MAN2B1: variants seen among roughly 807,000 people sequenced by gnomAD.
MAN2B1 encodes mannosidase alpha class 2B member 1.
MAN2B1 carries 99 observed loss-of-function variants against 127.5 expected under a neutral mutation model. That is an observed-to-expected ratio of 0.78 (90% CI 0.66 to 0.92). The LOEUF is 0.92. Among genes scored for constraint, MAN2B1 ranks in the 40% least tolerant of loss-of-function variants. MAN2B1 has a pLI of 0.00. For synonymous variants in MAN2B1, 573 were observed against 568.8 expected, an observed-to-expected ratio of 1.01 and a Z score of -0.11; for missense variants, 1,304 against 1,384.8, an observed-to-expected ratio of 0.94 and a Z score of 0.93.
intron 16 of MAN2B1, among the ~76,000 whole-genome samples, chr19:12,651,490 TTTTG>T (rs1446399581): frequency 2.0e-5 from 3 of 152,182 alleles, no homozygotes; most frequent in African/African-American, 7.2e-5. Flanking sequence ...CAGCCAGACT[TTTTG>T]TTAGAAGAAA....
intron 16 of MAN2B1, among the ~76,000 whole-genome samples, chr19:12,651,614 G>A (rs946357638): frequency 1.3e-5 from 2 of 152,074 alleles, no homozygotes; most frequent in South Asian, 2.1e-4. Flanking sequence ...CACATGAAAC[G>A]CGAGGCTCTT....
At position 12,650,106 on chromosome 19, in the gene MAN2B1, C is replaced by T; in HGVS notation, c.2163G>A (p.Val721=). Residue 721 remains valine, a splice_region_variant and synonymous_variant, in exon 17 of 24, where the codon GTG becomes GTA. Coordinates refer to ENST00000456935, the MANE Select transcript of MAN2B1 (RefSeq NM_000528.4). Reference sequence around the variant, plus strand: ...CTCTCCCAGCCTGTGCCACTCACCCCACAGGTATCGGCCCCACCGACCACT... The same window carrying T: ...CTCTCCCAGCCTGTGCCACTCACCCTACAGGTATCGGCCCCACCGACCACT... The part of the protein sequence containing the change: ...ELEWSVGPIP[V]GDTWGKEVIS... 1 of 1,613,938 alleles carries T rather than the reference C, an allele frequency of 6.2e-7. No individual in the cohort carries two copies. The highest frequency in any genetic ancestry group is 8.5e-7 in the Non-Finnish European group (1 of 1,179,880).
chr19:12,651,089 A>C (rs1228750110), intron 16 of MAN2B1, among the ~76,000 whole-genome samples: 2 of 151,710 alleles, frequency 1.3e-5, no homozygotes, highest in African/African-American at 4.8e-5. Context: ...AGTCTCCCAA[A>C]GTGCTGTGAT....
rs1041161649 is a variant in MAN2B1 at position 12,657,187 on chromosome 19, C to T, written c.1420-131G>A. On this transcript the variant is annotated intron_variant, in intron 11 of 23. Transcript: ENST00000456935. Reference sequence around the variant, plus strand: ...AGTCGCCCCAAAACCCCTTCTAGCCCCACCCTGCTGCCCTTGACTATACCC... The same window carrying T: ...AGTCGCCCCAAAACCCCTTCTAGCCTCACCCTGCTGCCCTTGACTATACCC... 20 of 728,272 alleles carry T rather than the reference C, an allele frequency of 2.7e-5. 1 individual carries two copies. The Middle Eastern group carries it at 1.8e-3, about 66-fold the overall frequency. The allele number at this position is 728,272 out of a possible 1,614,324, so 45.1% of individuals were successfully genotyped here. A position where few individuals can be genotyped will look rare whatever the true frequency, so the allele number is the denominator to read the frequency against.
At chr19:12,656,455 A>G in intron 13 of MAN2B1, 116 bp downstream of exon 13, 1 of 730,578 alleles carries the variant, frequency 1.4e-6, no homozygotes, top group Non-Finnish European at 2.5e-6. Context: ...AGAGGGGGGA[A>G]GAGATATGCA....
In MAN2B1 at chr19:12,647,217, C is replaced by T. The variant is rs373821522; in HGVS notation, c.2923+16G>A. On this transcript the variant is annotated intron_variant, in intron 23 of 23. Coordinates refer to ENST00000456935, the MANE Select transcript of MAN2B1 (RefSeq NM_000528.4). The surrounding 1 kb of genome is among the most constrained non-coding windows in gnomAD (Gnocchi z 4.9). ...GTAAGACTCCACCCCTTCCCTACCC[C>T]TGACCAGGGCCCCACCTGTGTTTGT... 26 of 1,608,716 alleles carry T rather than the reference C, an allele frequency of 1.6e-5. No individual in the cohort carries two copies. Among genetic ancestry groups the T allele is most frequent in the Non-Finnish European group, 2.1e-5 (25 of 1,175,142 alleles).
At chr19:12,663,499 C>T (rs2024157180) in intron 5 of MAN2B1, 37 bp from the exon 6 acceptor site, 2 of 1,609,778 alleles carry the variant, frequency 1.2e-6, no homozygotes, top group African/African-American at 2.7e-5. Context: ...TGGCCCATCA[C>T]CCAGACCTTC....
intron 11 of MAN2B1, 102 bp from the exon 12 acceptor site, chr19:12,657,158 CAA>C: frequency 1.3e-6 from 1 of 779,782 alleles, no homozygotes; most frequent in South Asian, 1.5e-5. Flanking sequence ...CCGCCTCCCT[CAA>C]GAGTCGCCCC....
chr19:12,657,253 T>A, intron 11 of MAN2B1, 193 bp downstream of exon 11: 2 of 402,632 alleles, frequency 5.0e-6, no homozygotes, highest in East Asian at 5.2e-5. Flanking sequence ...CCCCGCCTCC[T>A]TCCCCCCTCC....
chr19:12,648,484 G>A, intron 20 of MAN2B1, 82 bp from the exon 21 acceptor site: 1 of 1,034,596 alleles, frequency 9.7e-7, no homozygotes, highest in Non-Finnish European at 1.4e-6. Flanking sequence ...AGGGCGTGTG[G>A]GAATGTCAAA....
chr19:12,650,357 C>CTTT (rs35532533), intron 16 of MAN2B1, 135 bp from the exon 17 acceptor site: 37 of 493,574 alleles, frequency 7.5e-5, no homozygotes, highest in East Asian at 1.1e-4. Context: ...CCACATAATT[C>CTTT]TTTTTTTTTT....
In MAN2B1 at chr19:12,664,352, G is replaced by A. The variant is rs183402323; in HGVS notation, c.630+440C>T. Among the ~76,000 whole-genome samples, 117 of 151,434 alleles carry A rather than the reference G, an allele frequency of 7.7e-4. 1 individual carries two copies. The highest frequency in any genetic ancestry group is 2.7e-3 in the African/African-American group (111 of 41,292). On this transcript the variant is annotated intron_variant, in intron 4 of 23. Coordinates refer to ENST00000456935, the MANE Select transcript of MAN2B1 (RefSeq NM_000528.4). ...AGGGCGGGTCCAACATCAGAACCCA[G>A]GTTCACCTCCCCAGCACTGTCAAAG... is the stretch of plus-strand genomic sequence containing the variant.
intron 11 of MAN2B1, 195 bp from the exon 12 acceptor site, chr19:12,657,251 C>A (rs1438935523): frequency 2.9e-6 from 2 of 695,138 alleles, no homozygotes; most frequent in Non-Finnish European, 2.6e-6. Context: ...CGCCCCGCCT[C>A]CTTCCCCCCT....
rs1229107062 is a variant in MAN2B1 at position 12,657,463 on chromosome 19, C to T, written c.1402G>A (p.Gly468Ser). The change falls in exon 11 of 24, where the codon GGC (glycine) becomes AGC (serine). Residue 468 changes from glycine (G) to serine (S), a missense_variant. Gly to Ser is a moderately conservative substitution (Grantham distance 56). Transcript: ENST00000456935. ...ANDYARQLAA[G>S]WGPCEVLLSN... ...CCGCGCACCTCGCAAGGCCCCCAGC[C>T]TGCCGCAAGCTGGCGCGCGTAGTCG... 3.2e-6 allele frequency: 5 copies of T among 1,556,382 alleles called. No homozygotes were observed. The highest frequency in any genetic ancestry group is 4.3e-6 in the Non-Finnish European group (5 of 1,151,060).
In MAN2B1 at chr19:12,660,752, A is replaced by ATTTTTT. The variant is rs1168857464; in HGVS notation, c.1026+502_1026+507dup. 54 of 102,266 alleles carry ATTTTTT rather than the reference A, an allele frequency of 5.3e-4. 3 individuals are homozygous for ATTTTTT. The highest frequency in any genetic ancestry group is 2.3e-3 in the African/African-American group (46 of 20,404). The allele number at this position is 102,266 out of a possible 1,614,324, so 6.3% of individuals were successfully genotyped here. ...TATAGCCTGGTGAGACTCAGGCTGG[A>ATTTTTT]TTTTTTTTTTTTTTTTTTTTTTTTG... On this transcript the variant is annotated intron_variant, in intron 7 of 23. Coordinates refer to ENST00000456935, the MANE Select transcript of MAN2B1 (RefSeq NM_000528.4).
At position 12,665,527 on chromosome 19, in the gene MAN2B1, T is replaced by G; in HGVS notation, c.263-2A>C. 1 of 1,614,172 alleles carries G rather than the reference T, an allele frequency of 6.2e-7. No individual in the cohort carries two copies. The highest frequency in any genetic ancestry group is 8.5e-7 in the Non-Finnish European group (1 of 1,180,026). On this transcript the variant is annotated splice_acceptor_variant, in intron 2 of 23. Transcript: ENST00000456935. LOFTEE classifies it high-confidence loss of function. ...CGGCGTGCTGGATGTCATTCTTGAC[T>G]GTGGATAACAGGGATAAGGCTCTCA...
chr19:12,655,279 T>C (rs982620765), intron 14 of MAN2B1, among the ~76,000 whole-genome samples: 4 of 152,230 alleles, frequency 2.6e-5, no homozygotes, highest in African/African-American at 7.2e-5. Flanking sequence ...TTGTGGCTCC[T>C]GGAATTCTGC....
Position 12,666,697 on chromosome 19 carries a change from C to T in MAN2B1, c.5G>A (p.Gly2Asp), listed in dbSNP as rs1195139364. 6.5e-7 allele frequency: 1 copy of T among 1,549,366 alleles called. No homozygotes were observed. Reference sequence around the variant, plus strand: ...GACCCCCGAAGCCCGCGCGTAGGCGCCCATGGCTCAGCAGCTTCCTCCTGG... The same window carrying T: ...GACCCCCGAAGCCCGCGCGTAGGCGTCCATGGCTCAGCAGCTTCCTCCTGG... M[G>D]AYARASGVCA... is the part of the protein sequence containing the mutation. The change falls in exon 1 of 24, where the codon GGC (glycine) becomes GAC (aspartate). Residue 2 changes from glycine (G) to aspartate (D), a missense_variant. Coordinates refer to ENST00000456935, the MANE Select transcript of MAN2B1 (RefSeq NM_000528.4).
intron 20 of MAN2B1, among the ~76,000 whole-genome samples, chr19:12,648,659 G>A (rs922482584): frequency 2.0e-5 from 3 of 152,158 alleles, no homozygotes; most frequent in Non-Finnish European, 4.4e-5. Flanking sequence ...GGGAGCCTGG[G>A]CAGGAGATGG....
Sources: gnomAD v4.1 joint callset for allele counts (sites outside exome capture counted in the v4.1 genomes callset) on GRCh38, gnomAD v4.1.1 for gene constraint, Gnocchi (gnomAD v3.1) non-coding constraint, MANE v1.5 for transcripts, NCBI Gene and HGNC (gene_info 2026-07-23, HGNC 2026-07-21) for gene names.